Variants in RHBDL1 observed in about 807,000 individuals in gnomAD.
The protein encoded by RHBDL1 is rhomboid-related protein 1.
Under a neutral mutation model 34.0 loss-of-function variants are expected in RHBDL1, and 21 were observed. That is an observed-to-expected ratio of 0.62 (90% CI 0.44 to 0.89). The LOEUF is 0.89. RHBDL1 is among the 40% of genes least tolerant of loss of function. RHBDL1 has a pLI of 0.00. For synonymous variants in RHBDL1, 268 were observed against 234.8 expected (o/e 1.14, Z -1.29); for missense variants, 450 against 530.6 (o/e 0.85, Z 1.49).
chr16:677,546 C>A lies in RHBDL1; in HGVS notation c.776C>A (p.Ala259Asp). 6.2e-7 allele frequency: 1 copy of A among 1,610,066 alleles called. No homozygotes were observed. The highest frequency in any genetic ancestry group is 8.5e-7 in the Non-Finnish European group (1 of 1,179,382). The change falls in exon 6 of 8, where the codon GCC (alanine) becomes GAC (aspartate). Residue 259 changes from alanine (A) to aspartate (D), a missense_variant. Transcript: ENST00000352681. ...GVYALCSAHLANVVMNWAGMR... is the reference protein window; with the variant it reads ...GVYALCSAHLDNVVMNWAGMR... Reference sequence around the variant, plus strand: ...TACGCCCTGTGCTCGGCACACCTGGCCAACGTTGTCATGGTAACGGGCCTG... The same window carrying A: ...TACGCCCTGTGCTCGGCACACCTGGACAACGTTGTCATGGTAACGGGCCTG...
At position 678,142 on chromosome 16, in the gene RHBDL1, C is replaced by T. The variant is rs1015538625; in HGVS notation, c.*90C>T. 1.7e-5 allele frequency: 24 copies of T among 1,428,770 alleles called. No homozygotes were observed. In the African/African-American group the frequency reaches 2.8e-4, roughly 16 times the overall value. The allele number at this position is 1,428,770 out of a possible 1,614,324, so 88.5% of individuals were successfully genotyped here. ...ACGTCTGCCCTTTGTGAACGGACGT[C>T]TCAGGGCTGCTGTGCCCCTTGGGTG... is the stretch of plus-strand genomic sequence containing the variant. On this transcript the variant is annotated 3_prime_UTR_variant, in exon 8 of 8. Coordinates refer to ENST00000352681, the MANE Select transcript of RHBDL1 (RefSeq NM_001278720.2).
Position 677,885 on chromosome 16 carries a change from G to C in RHBDL1, c.955G>C (p.Gly319Arg). ...GGCGCACCTGGCAGGCGCGGTGGTG[G>C]GGGTGAGCATGGGCCTGACCATCCT... ...FMAHLAGAVV[G>R]VSMGLTILRS... Residue 319 changes from glycine (G) to arginine (R), a missense_variant, in exon 8 of 8, where the codon GGG becomes CGG. Coordinates refer to ENST00000352681, the MANE Select transcript of RHBDL1 (RefSeq NM_001278720.2). 1.3e-6 allele frequency: 2 copies of C among 1,599,616 alleles called. No individual in the cohort carries two copies. Among genetic ancestry groups the C allele is most frequent in the African/African-American group, 1.3e-5 (1 of 74,986 alleles).
chr16:677,613 C>T, intron 6 of RHBDL1, 26 bp from the exon 7 acceptor site: 1 of 1,602,436 alleles, frequency 6.2e-7, no homozygotes, highest in Non-Finnish European at 8.5e-7. Context: ...TGAGCCTCAC[C>T]ACTTCTCGTC....
Position 676,672 on chromosome 16 carries a change from A to G in RHBDL1, c.202A>G (p.Ile68Val), listed in dbSNP as rs375521418. ...QVCYQELVDL[I>V]SSKRSSSFKR... ...CCCACACTCAGGCCCCTGCCCCCAG[A>G]TCAGCAGCAAGCGCTCCAGCAGTTT... The change falls in exon 3 of 8, where the codon ATC becomes GTC. Residue 68 changes from isoleucine to valine, a missense_variant and splice_region_variant. By Grantham distance (29) the Ile-to-Val change is conservative. Coordinates refer to ENST00000352681, the MANE Select transcript of RHBDL1 (RefSeq NM_001278720.2). The surrounding 1 kb of genome is among the most constrained non-coding windows in gnomAD (Gnocchi z 6.9). 9.3e-6 allele frequency: 15 copies of G among 1,611,188 alleles called. No homozygotes were observed. In the African/African-American group the frequency reaches 1.1e-4, roughly 11 times the overall value.
chr16:678,197 GCCA>G lies in RHBDL1; in HGVS notation c.*148_*150del. On this transcript the variant is annotated 3_prime_UTR_variant, in exon 8 of 8. Transcript: ENST00000352681. ...TGGCCTCAAAGGAGGCCCTGTCCCA[GCCA>G]CCCACCCCCCACTCCCAGGACTTGC... 4 of 1,386,194 alleles carry G rather than the reference GCCA, an allele frequency of 2.9e-6. No individual in the cohort carries two copies. The highest frequency in any genetic ancestry group is 3.7e-6 in the Non-Finnish European group (4 of 1,076,398). The allele number at this position is 1,386,194 out of a possible 1,614,324, so 85.9% of individuals were successfully genotyped here. A position where few individuals can be genotyped will look rare whatever the true frequency, so the allele number is the denominator to read the frequency against.
rs2039528968 is a variant in RHBDL1 at position 676,006 on chromosome 16, T to G, written c.39+177T>G. 1 of 1,308,158 alleles carries G rather than the reference T, an allele frequency of 7.6e-7. No homozygotes were observed. Among genetic ancestry groups the G allele is most frequent in the African/African-American group, 1.6e-5 (1 of 61,262 alleles). The allele number at this position is 1,308,158 out of a possible 1,614,324, so 81.0% of individuals were successfully genotyped here. A position where few individuals can be genotyped will look rare whatever the true frequency, so the allele number is the denominator to read the frequency against. On this transcript the variant is annotated intron_variant, in intron 1 of 7. Transcript: ENST00000352681. The surrounding 1 kb of genome is among the most constrained non-coding windows in gnomAD (Gnocchi z 6.9). ...AGGAGAGGACTGACTGGACCAGAGC[T>G]CCTGGCTGGAGAAGGGAGAGTCGGG...
Position 678,193 on chromosome 16 carries a change from C to T in RHBDL1, c.*141C>T, listed in dbSNP as rs1432396063. On this transcript the variant is annotated 3_prime_UTR_variant, in exon 8 of 8. Coordinates refer to ENST00000352681, the MANE Select transcript of RHBDL1 (RefSeq NM_001278720.2). ...TGGGTGGCCTCAAAGGAGGCCCTGT[C>T]CCAGCCACCCACCCCCCACTCCCAG... is the stretch of plus-strand genomic sequence containing the variant. 9 of 1,388,694 alleles carry T rather than the reference C, an allele frequency of 6.5e-6. No individual in the cohort carries two copies. The highest frequency in any genetic ancestry group is 7.4e-6 in the Non-Finnish European group (8 of 1,077,770). The allele number at this position is 1,388,694 out of a possible 1,614,324, so 86.0% of individuals were successfully genotyped here.
At position 676,110 on chromosome 16, in the gene RHBDL1, G is replaced by T; in HGVS notation, c.40-226G>T. 1 of 1,452,488 alleles carries T rather than the reference G, an allele frequency of 6.9e-7. No individual in the cohort carries two copies. The highest frequency in any genetic ancestry group is 2.5e-5 in the East Asian group (1 of 39,784). The allele number at this position is 1,452,488 out of a possible 1,614,324, so 90.0% of individuals were successfully genotyped here. A position where few individuals can be genotyped will look rare whatever the true frequency, so the allele number is the denominator to read the frequency against. ...GGCCCTCGCTTTCCAGGATGGGTAG[G>T]GTGGAAGACGGGGGAACAACTGAGG... is the stretch of plus-strand genomic sequence containing the variant. On this transcript the variant is annotated intron_variant, in intron 1 of 7. Transcript: ENST00000352681. The surrounding 1 kb of genome is among the most constrained non-coding windows in gnomAD (Gnocchi z 6.9).
Position 675,714 on chromosome 16 carries a change from C to A in RHBDL1, c.-77C>A. The stretch of plus-strand genomic sequence containing the variant: ...AGCGGGCGGAGCGGGCCGGCTGGGG[C>A]GGAGCGGAGTCGTCCGCAGAGCAGC... On this transcript the variant is annotated 5_prime_UTR_variant, in exon 1 of 8. Coordinates refer to ENST00000352681, the MANE Select transcript of RHBDL1 (RefSeq NM_001278720.2). 3.7e-6 allele frequency: 3 copies of A among 801,636 alleles called. No individual in the cohort carries two copies. The highest frequency in any genetic ancestry group is 3.3e-5 in the South Asian group (1 of 30,718). 49.7% of individuals were successfully genotyped at this position (801,636 alleles called of 1,614,324 possible).
At position 676,907 on chromosome 16, in the gene RHBDL1, C is replaced by T. The variant is rs111852492; in HGVS notation, c.426+11C>T. On this transcript the variant is annotated intron_variant, in intron 3 of 7. Coordinates refer to ENST00000352681, the MANE Select transcript of RHBDL1 (RefSeq NM_001278720.2). The surrounding 1 kb of genome is among the most constrained non-coding windows in gnomAD (Gnocchi z 6.9). ...GTCACTCTTGCCCAGGTGGGCCCCC[C>T]GGCCGCTGCCCCGGGAGCCTCCCGC... is the stretch of plus-strand genomic sequence containing the variant. 250,369 of 1,611,328 alleles carry T rather than the reference C, an allele frequency of 0.16. 21,022 individuals carry two copies. The highest frequency in any genetic ancestry group is 0.2 in the South Asian group (18,531 of 91,026).
rs996075585 is a variant in RHBDL1 at position 675,764 on chromosome 16, C to G, written c.-27C>G. ...CCCCTCCCGGCCGCGGCCGCCGACC[C>G]CGGACCCCGGCCCCCGGCCAGGCTC... On this transcript the variant is annotated 5_prime_UTR_variant, in exon 1 of 8. Transcript: ENST00000352681. 1 of 1,450,628 alleles carries G rather than the reference C, an allele frequency of 6.9e-7. No individual in the cohort carries two copies. The highest frequency in any genetic ancestry group is 9.1e-7 in the Non-Finnish European group (1 of 1,099,448). The allele number at this position is 1,450,628 out of a possible 1,614,324, so 89.9% of individuals were successfully genotyped here. A position where few individuals can be genotyped will look rare whatever the true frequency, so the allele number is the denominator to read the frequency against.
Position 676,118 on chromosome 16 carries a change from A to G in RHBDL1, c.40-218A>G. The G allele has an allele frequency of 6.9e-7, 1 of 1,452,434 alleles. No homozygotes were observed. Among genetic ancestry groups the G allele is most frequent in the Non-Finnish European group, 9.1e-7 (1 of 1,098,552 alleles). 90.0% of individuals were successfully genotyped at this position (1,452,434 alleles called of 1,614,324 possible). On this transcript the variant is annotated intron_variant, in intron 1 of 7. Transcript: ENST00000352681. The surrounding 1 kb of genome is among the most constrained non-coding windows in gnomAD (Gnocchi z 6.9). The stretch of plus-strand genomic sequence containing the variant: ...CTTTCCAGGATGGGTAGGGTGGAAG[A>G]CGGGGGAACAACTGAGGAGCTGGAG...
At position 677,712 on chromosome 16, in the gene RHBDL1, C is replaced by G. The variant is rs774383078; in HGVS notation, c.850+13C>G. ...GCCTTGGTGTGCAGTGAGTAGGGGC[C>G]GGGGGGAGGGCCGGGGGGCCTCTCA... On this transcript the variant is annotated intron_variant, in intron 7 of 7. Coordinates refer to ENST00000352681, the MANE Select transcript of RHBDL1 (RefSeq NM_001278720.2). The G allele has an allele frequency of 1.3e-6, 2 of 1,519,742 alleles. No individual in the cohort carries two copies. Among genetic ancestry groups the G allele is most frequent in the East Asian group, 2.3e-5 (1 of 43,786 alleles). 94.1% of individuals were successfully genotyped at this position (1,519,742 alleles called of 1,614,324 possible).
rs1287622346 is a variant in RHBDL1, at chr16:676,069, G to A, written c.39+240G>A. 40 of 1,438,092 alleles carry A rather than the reference G, an allele frequency of 2.8e-5. No homozygotes were observed. In the South Asian group the frequency reaches 5.5e-4, roughly 20 times the overall value. 89.1% of individuals were successfully genotyped at this position (1,438,092 alleles called of 1,614,324 possible). On this transcript the variant is annotated intron_variant, in intron 1 of 7. Coordinates refer to ENST00000352681, the MANE Select transcript of RHBDL1 (RefSeq NM_001278720.2). This position sits in a 1 kb window ranked among gnomAD's most constrained non-coding sequence, Gnocchi z 6.9. The stretch of plus-strand genomic sequence containing the variant: ...GGGAGGGAGGGAGGGCGGGCAGCTG[G>A]CTGGTCTTGGACCTTGGCCCTCGCT...
chr16:677,285 G>C lies in RHBDL1; in HGVS notation c.585G>C (p.Gln195His), dbSNP rs768153591. The change falls in exon 5 of 8, where the codon CAG (glutamine) becomes CAC (histidine). Residue 195 changes from glutamine (Q) to histidine (H), a missense_variant. Gln to His is a conservative substitution (Grantham distance 24). Transcript: ENST00000352681. ...TYMFMHVGLEQLGFNALLQLM... is the reference protein window; with the variant it reads ...TYMFMHVGLEHLGFNALLQLM... ...GCTTCCCTGTGGCCAGGCTGGAGCA[G>C]CTGGGGTTCAACGCCCTCCTGCAGC... 1.3e-6 allele frequency: 2 copies of C among 1,565,806 alleles called. No homozygotes were observed. Among genetic ancestry groups the C allele is most frequent in the South Asian group, 2.3e-5 (2 of 85,870 alleles).
In RHBDL1 at chr16:675,765, C is replaced by T. The variant is rs755134313; in HGVS notation, c.-26C>T. ...CCCTCCCGGCCGCGGCCGCCGACCC[C>T]GGACCCCGGCCCCCGGCCAGGCTCT... is the stretch of plus-strand genomic sequence containing the variant. On this transcript the variant is annotated 5_prime_UTR_variant, in exon 1 of 8. Transcript: ENST00000352681. 12 of 1,451,522 alleles carry T rather than the reference C, an allele frequency of 8.3e-6. No homozygotes were observed. The East Asian group carries it at 1.2e-4, about 14-fold the overall frequency. 89.9% of individuals were successfully genotyped at this position (1,451,522 alleles called of 1,614,324 possible). A position where few individuals can be genotyped will look rare whatever the true frequency, so the allele number is the denominator to read the frequency against.
chr16:675,842 G>C lies in RHBDL1; in HGVS notation c.39+13G>C, dbSNP rs1267339591. ...CATCCAGGAGCAGGTGCGTCGGGGG[G>C]TGGTCTGGGGAGCTGGCACCGCCCC... On this transcript the variant is annotated intron_variant, in intron 1 of 7. Coordinates refer to ENST00000352681, the MANE Select transcript of RHBDL1 (RefSeq NM_001278720.2). The C allele has an allele frequency of 2.6e-6, 4 of 1,514,602 alleles. No homozygotes were observed. Among genetic ancestry groups the C allele is most frequent in the African/African-American group, 2.8e-5 (2 of 71,374 alleles). 93.8% of individuals were successfully genotyped at this position (1,514,602 alleles called of 1,614,324 possible).
chr16:677,184 G>A (rs538508922), intron 4 of RHBDL1, 65 bp downstream of exon 4: 12 of 1,578,108 alleles, frequency 7.6e-6, no homozygotes, highest in African/African-American at 4.1e-5. Flanking sequence ...AGGCTTAGCC[G>A]CAAGGCAGGT....
At position 676,945 on chromosome 16, in the gene RHBDL1, G is replaced by T. The variant is rs964685752; in HGVS notation, c.427-26G>T. 9 of 1,611,600 alleles carry T rather than the reference G, an allele frequency of 5.6e-6. No individual in the cohort carries two copies. The highest frequency in any genetic ancestry group is 7.6e-6 in the Non-Finnish European group (9 of 1,179,102). ...GGGAGCCTCCCGCGCTCCTGGCCAT[G>T]ACCAGCCTAACACTCGTGTCCCCAG... On this transcript the variant is annotated intron_variant, in intron 3 of 7. Coordinates refer to ENST00000352681, the MANE Select transcript of RHBDL1 (RefSeq NM_001278720.2). The surrounding 1 kb of genome is among the most constrained non-coding windows in gnomAD (Gnocchi z 6.9).
Sources: allele counts gnomAD v4.1 joint callset, GRCh38; gene constraint gnomAD v4.1.1; non-coding constraint Gnocchi (gnomAD v3.1); transcripts MANE v1.5; gene names NCBI Gene and HGNC (gene_info 2026-07-23, HGNC 2026-07-21).